Variants in EIF3I observed in about 807,000 individuals in gnomAD.
EIF3I encodes the protein TGF-beta receptor-interacting protein 1.
EIF3I carries 20 observed loss-of-function variants against 43.3 expected under a neutral mutation model. The observed-to-expected ratio is 0.46, with a 90% CI of 0.32 to 0.67. The LOEUF (loss-of-function observed/expected upper bound fraction) is 0.67. EIF3I is among the 30% of genes least tolerant of loss of function. The probability of loss-of-function intolerance (pLI) is 0.03; values close to 1 mark genes in which losing one functional copy is unlikely to be tolerated. For synonymous variants in EIF3I, 167 were observed against 151.7 expected, an observed-to-expected ratio of 1.10 and a Z score of -0.74; for missense variants, 279 against 421.4, an observed-to-expected ratio of 0.66 and a Z score of 2.96.
intron 2 of EIF3I, among the ~76,000 whole-genome samples, chr1:32,223,298 T>C (rs1438864055): frequency 2.6e-5 from 4 of 152,110 alleles, no homozygotes; most frequent in African/African-American, 9.7e-5. Context: ...TTTTATTTTT[T>C]CTTGAGACGG....
At chr1:32,226,366 C>T (rs1199508832) in intron 5 of EIF3I, 37 bp from the exon 6 acceptor site, 2 of 1,613,080 alleles carry the variant, frequency 1.2e-6, no homozygotes, top group Admixed American at 1.7e-5. Flanking sequence ...GGGTACAGTT[C>T]TAGAGCCCAG....
intron 9 of EIF3I, among the ~76,000 whole-genome samples, chr1:32,230,076 A>G (rs1377149158): frequency 6.6e-6 from 1 of 152,062 alleles, no homozygotes; most frequent in East Asian, 1.9e-4. Flanking sequence ...AGTAAGAGAC[A>G]GGGTCTCACT....
rs529059386 is a variant in EIF3I, at chr1:32,224,381, C to G, written c.185-29C>G. 5.4e-5 allele frequency: 87 copies of G among 1,602,620 alleles called. No individual in the cohort carries two copies. The South Asian group carries it at 6.3e-4, about 12-fold the overall frequency. On this transcript the variant is annotated intron_variant, in intron 3 of 11. Coordinates refer to ENST00000676679, the Ensembl canonical transcript of EIF3I. ...CCAAGAGGACAAGGGCTCGGGTGAACTTCGTCATATTTCTTAACAACTCTT... is the reference window on the plus strand; with the variant it reads ...CCAAGAGGACAAGGGCTCGGGTGAAGTTCGTCATATTTCTTAACAACTCTT...
At chr1:32,228,795 C>T in exon 8 of EIF3I, 2 of 1,614,062 alleles carry the variant, frequency 1.2e-6, no homozygotes, top group Non-Finnish European at 1.7e-6. Context: ...ACTCAGCTGC[C>T]CTCTCCCCCA....
At chr1:32,225,894 G>A (rs911291465) in intron 4 of EIF3I, among the ~76,000 whole-genome samples, 13 of 151,834 alleles carry the variant, frequency 8.6e-5, no homozygotes, top group African/African-American at 7.3e-5. Flanking sequence ...GGTGGCAGGC[G>A]CCTGTAGTCC....
intron 2 of EIF3I, 85 bp from the exon 3 acceptor site, chr1:32,223,949 A>G: frequency 1.7e-6 from 2 of 1,206,420 alleles, no homozygotes; most frequent in South Asian, 1.2e-5. Context: ...CAGCCTTGCT[A>G]CAGGCTGCTG....
At chr1:32,230,280 G>A (rs918763910) in exon 10 of EIF3I, among the ~76,000 whole-genome samples, 1 of 151,984 alleles carries the variant, frequency 6.6e-6, no homozygotes, top group African/African-American at 2.4e-5. Context: ...TCACTCTGTT[G>A]CCCAGGCTGG....
chr1:32,228,887 G>C, intron 8 of EIF3I, 71 bp downstream of exon 8: 1 of 1,336,502 alleles, frequency 7.5e-7, no homozygotes, highest in Non-Finnish European at 1.1e-6. Context: ...TTGTCCAGAA[G>C]TTGGGCTACA....
downstream of EIF3I, among the ~76,000 whole-genome samples, chr1:32,233,448 C>G (rs142175614): frequency 2.0e-3 from 312 of 152,290 alleles, 2 homozygotes; most frequent in African/African-American, 7.2e-3. Context: ...GCCACCGTGC[C>G]AGGCCTAATT....
At chr1:32,224,253 C>G in intron 3 of EIF3I, 132 bp downstream of exon 3, 1 of 1,127,440 alleles carries the variant, frequency 8.9e-7, no homozygotes, top group Non-Finnish European at 1.3e-6. Context: ...GGTCTCTTCA[C>G]TGACTGAGGA....
chr1:32,231,544 C>T (rs182204857), downstream of EIF3I: 17 of 194,874 alleles, frequency 8.7e-5, no homozygotes, highest in Admixed American at 5.7e-4. Flanking sequence ...AAGATTCTCA[C>T]AGAAGGTTTT....
chr1:32,227,172 G>C (rs116440320), intron 6 of EIF3I, among the ~76,000 whole-genome samples: 1 of 150,722 alleles, frequency 6.6e-6, no homozygotes, highest in Non-Finnish European at 1.5e-5. Flanking sequence ...CAGTGCCTTT[G>C]GGGGCCAAGG....
At chr1:32,225,105 A>G (rs2124261080) in intron 4 of EIF3I, among the ~76,000 whole-genome samples, 1 of 152,236 alleles carries the variant, frequency 6.6e-6, no homozygotes, top group East Asian at 1.9e-4. Flanking sequence ...AAGTGCTGGG[A>G]TTACAGGCAT....
chr1:32,224,213 G>A, intron 3 of EIF3I, 92 bp downstream of exon 3: 1 of 1,329,704 alleles, frequency 7.5e-7, no homozygotes, highest in Non-Finnish European at 1.1e-6. Flanking sequence ...GTGCTGTTGA[G>A]GGCCTAGAGA....
intron 3 of EIF3I, 59 bp downstream of exon 3, chr1:32,224,180 G>C (rs1049468272): frequency 4.0e-6 from 6 of 1,491,754 alleles, no homozygotes; most frequent in Non-Finnish European, 5.6e-6. Flanking sequence ...TGGAGAGGCT[G>C]AGTTGGGAGT....
rs202239183 is a variant in EIF3I at position 32,228,574 on chromosome 1, A to G, written c.604A>G (p.Met202Val). Reference sequence around the variant, plus strand: ...CATCCAGTTATCCAGGGACATGACCATGTTTGTGACCGCGTCCAAGGACAA... The same window carrying G: ...CATCCAGTTATCCAGGGACATGACCGTGTTTGTGACCGCGTCCAAGGACAA... The change falls in exon 7 of 12, where the codon ATG becomes GTG. Residue 202 changes from methionine (M) to valine (V), a missense_variant. Met to Val is a conservative substitution (Grantham distance 21). Coordinates refer to ENST00000676679, the Ensembl canonical transcript of EIF3I. 1.4e-5 allele frequency: 22 copies of G among 1,614,164 alleles called. No individual in the cohort carries two copies. The African/African-American group carries it at 2.5e-4, about 19-fold the overall frequency.
exon 7 of EIF3I, chr1:32,228,574 A>C: frequency 6.2e-7 from 1 of 1,614,164 alleles, no homozygotes; most frequent in Non-Finnish European, 8.5e-7. Context: ...GGACATGACC[A>C]TGTTTGTGAC....
Position 32,228,481 on chromosome 1 carries a change from CTCT to C in EIF3I, c.529-12_529-10del, listed in dbSNP as rs1316943802. On this transcript the variant is annotated splice_polypyrimidine_tract_variant and intron_variant, in intron 6 of 11. Transcript: ENST00000676679. The stretch of plus-strand genomic sequence containing the variant: ...TAGGGATTGGGCCCATTCAGTGTCA[CTCT>C]TCTTCCTTCCCTAGTCTGGAGAGGT... The C allele has an allele frequency of 2.5e-6, 4 of 1,609,366 alleles. No individual in the cohort carries two copies. Among genetic ancestry groups the C allele is most frequent in the Non-Finnish European group, 3.4e-6 (4 of 1,175,708 alleles).
chr1:32,230,287 C>G (rs1639215936), exon 10 of EIF3I, among the ~76,000 whole-genome samples: 1 of 152,010 alleles, frequency 6.6e-6, no homozygotes, highest in Admixed American at 6.6e-5. Flanking sequence ...GTTGCCCAGG[C>G]TGGAGTGCAG....
Sources: allele counts gnomAD v4.1 joint callset (sites outside exome capture counted in the v4.1 genomes callset), GRCh38; gene constraint gnomAD v4.1.1; transcripts MANE v1.5; gene names NCBI Gene and HGNC (gene_info 2026-07-23, HGNC 2026-07-21).